TBC1D5: variants seen among roughly 807,000 people sequenced by gnomAD.
The protein encoded by TBC1D5 is TBC1 domain family, member 5.
In TBC1D5, 75 loss-of-function variants were observed where a neutral mutation model predicts 100.3. The ratio of observed to expected loss-of-function variants is 0.75; its 90% confidence interval spans 0.62 to 0.91. The LOEUF (loss-of-function observed/expected upper bound fraction) is 0.91. TBC1D5 is among the 40% of genes least tolerant of loss of function. The pLI is 0.00. For missense variants in TBC1D5, 910 were observed against 942.4 expected (o/e 0.97, Z 0.45); for synonymous variants, 323 against 325.6 (o/e 0.99, Z 0.09).
intron 14 of TBC1D5, among the ~76,000 whole-genome samples, chr3:17,307,202 G>T (rs2083485786): frequency 1.3e-5 from 2 of 152,150 alleles, no homozygotes; most frequent in African/African-American, 4.8e-5. Context: ...AAAAGTGTAT[G>T]TTCTTCTGAC....
At chr3:17,462,994 C>T (rs956858544) in intron 3 of TBC1D5, among the ~76,000 whole-genome samples, 7 of 152,060 alleles carry the variant, frequency 4.6e-5, no homozygotes, top group Non-Finnish European at 8.8e-5. Context: ...GAAAGCAACT[C>T]CCTCAGAGCA....
chr3:17,699,813 GA>G (rs577083282), intron 1 of TBC1D5, among the ~76,000 whole-genome samples: 3,793 of 133,132 alleles, frequency 0.028, 64 homozygotes, highest in Admixed American at 0.041. Context: ...TGTGTCAAGG[GA>G]AAAAAAAAAA....
At chr3:17,625,856 A>G (rs1347324155) in intron 1 of TBC1D5, among the ~76,000 whole-genome samples, 2 of 152,130 alleles carry the variant, frequency 1.3e-5, no homozygotes, top group East Asian at 3.8e-4. Flanking sequence ...TTAGTATATT[A>G]ACTAAAAATT....
At chr3:17,698,224 T>A (rs2072477776) in intron 1 of TBC1D5, among the ~76,000 whole-genome samples, 1 of 152,194 alleles carries the variant, frequency 6.6e-6, no homozygotes, top group Non-Finnish European at 1.5e-5. Context: ...AACAGAGCCC[T>A]CAGAAATAAC....
chr3:17,324,027 G>A (rs1471771907), intron 13 of TBC1D5, among the ~76,000 whole-genome samples: 1 of 152,148 alleles, frequency 6.6e-6, no homozygotes, highest in Non-Finnish European at 1.5e-5. Context: ...AACATTTATG[G>A]TCAATTGATT....
intron 3 of TBC1D5, among the ~76,000 whole-genome samples, chr3:17,481,622 T>C (rs1576272313): frequency 6.6e-6 from 1 of 152,240 alleles, no homozygotes; most frequent in South Asian, 2.1e-4. Context: ...GAAACACTTA[T>C]TTCAGAAAAA....
At chr3:17,282,694 A>G (rs1368170683) in intron 15 of TBC1D5, among the ~76,000 whole-genome samples, 1 of 152,254 alleles carries the variant, frequency 6.6e-6, no homozygotes, top group Non-Finnish European at 1.5e-5. Flanking sequence ...AAAGATCTAA[A>G]TAGACATGCT....
At chr3:17,696,544 C>T (rs2072120850) in intron 1 of TBC1D5, among the ~76,000 whole-genome samples, 1 of 152,096 alleles carries the variant, frequency 6.6e-6, no homozygotes, top group Non-Finnish European at 1.5e-5. Flanking sequence ...TAAACCAAGA[C>T]TAAACCAGCA....
intron 8 of TBC1D5, among the ~76,000 whole-genome samples, chr3:17,402,010 T>C (rs1041172261): frequency 9.2e-5 from 14 of 152,120 alleles, no homozygotes; most frequent in Non-Finnish European, 7.4e-5. Context: ...CTTCCCTAAC[T>C]GGGTTACTCC....
chr3:17,680,234 G>A (rs978290369), intron 1 of TBC1D5, among the ~76,000 whole-genome samples: 2 of 147,562 alleles, frequency 1.4e-5, no homozygotes, highest in African/African-American at 5.1e-5. Context: ...ATGTATATTC[G>A]CTTTTTTTTT....
chr3:17,268,939 C>T (rs899619536), intron 15 of TBC1D5, among the ~76,000 whole-genome samples: 5 of 152,068 alleles, frequency 3.3e-5, no homozygotes, highest in East Asian at 3.9e-4. Context: ...TGAATATGTT[C>T]GGGGTAGTAG....
intron 4 of TBC1D5, among the ~76,000 whole-genome samples, chr3:17,415,330 T>C (rs1007635929): frequency 3.9e-5 from 6 of 151,956 alleles, no homozygotes; most frequent in Non-Finnish European, 8.8e-5. Flanking sequence ...GCGAAATTTT[T>C]TGTACTTTTT....
At chr3:17,579,090 G>C (rs567547263) in intron 2 of TBC1D5, among the ~76,000 whole-genome samples, 2 of 152,114 alleles carry the variant, frequency 1.3e-5, no homozygotes, top group African/African-American at 4.8e-5. Flanking sequence ...ATACTTTTAA[G>C]AATTGAAATC....
chr3:17,695,549 T>C (rs2071909364), intron 1 of TBC1D5, among the ~76,000 whole-genome samples: 1 of 152,152 alleles, frequency 6.6e-6, no homozygotes, highest in Admixed American at 6.5e-5. Flanking sequence ...AAAAGCTAAC[T>C]ATCCTAAATA....
chr3:17,571,673 C>T (rs966537560), intron 2 of TBC1D5, among the ~76,000 whole-genome samples: 5 of 152,024 alleles, frequency 3.3e-5, no homozygotes, highest in African/African-American at 1.2e-4. Flanking sequence ...CAATCTCACA[C>T]ACCTTCTCTT....
chr3:17,706,499 T>C (rs572098981), intron 1 of TBC1D5, among the ~76,000 whole-genome samples: 2 of 152,160 alleles, frequency 1.3e-5, no homozygotes, highest in Admixed American at 6.5e-5. Context: ...TCTTGAATGC[T>C]TGACCCTTAC....
At chr3:17,497,345 T>C (rs2095725527) in intron 3 of TBC1D5, among the ~76,000 whole-genome samples, 1 of 152,250 alleles carries the variant, frequency 6.6e-6, no homozygotes, top group Non-Finnish European at 1.5e-5. Flanking sequence ...GTCCATCTCA[T>C]GCTGAAATAT....
exon 14 of TBC1D5, chr3:17,308,023 G>A (rs1477459624): frequency 8.1e-6 from 13 of 1,606,016 alleles, no homozygotes; most frequent in East Asian, 2.3e-5. Flanking sequence ...ACATGGCTAC[G>A]AAGATATAAT....
chr3:17,692,088 T>G (rs1009444204), intron 1 of TBC1D5, among the ~76,000 whole-genome samples: 3 of 150,894 alleles, frequency 2.0e-5, no homozygotes, highest in East Asian at 3.9e-4. Context: ...ATAAAAAACA[T>G]AAGTACTTTT....
Sources: allele counts gnomAD v4.1 joint callset (sites outside exome capture counted in the v4.1 genomes callset), GRCh38; gene constraint gnomAD v4.1.1; transcripts MANE v1.5; gene names NCBI Gene and HGNC (gene_info 2026-07-23, HGNC 2026-07-21).